The following ADARB2 variants were observed in gnomAD, a reference collection of about 807,000 sequenced individuals.
ADARB2 encodes the protein inactive double-stranded RNA-specific editase B2.
In ADARB2, 25 loss-of-function variants were observed where a neutral mutation model predicts 62.2. The ratio of observed to expected loss-of-function variants is 0.40; its 90% CI spans 0.29 to 0.56. The LOEUF is 0.56. ADARB2 is among the 20% of genes least tolerant of loss of function. The pLI is 0.43. For synonymous variants in ADARB2, 572 were observed against 500.8 expected, an observed-to-expected ratio of 1.14 and a Z score of -1.90; for missense variants, 1,071 against 1,077.4, an observed-to-expected ratio of 0.99 and a Z score of 0.08.
rs554902239 is a variant in ADARB2 at position 1,709,561 on chromosome 10, A to T, written c.100+27490T>A. Among the ~76,000 whole-genome samples the T allele has an allele frequency of 2.1e-4, 32 of 152,238 alleles. 1 individual carries two copies. The South Asian group carries it at 5.2e-3, about 25-fold the overall frequency. On this transcript the variant is annotated intron_variant, in intron 1 of 9. Transcript: ENST00000381312. ...CCTTTTCATATTGTCTTTACTTTGGAGAGACTTTTGATCTGAAGGAAGCTG... is the reference window on the plus strand; with the variant it reads ...CCTTTTCATATTGTCTTTACTTTGGTGAGACTTTTGATCTGAAGGAAGCTG...
chr10:1,675,015 TG>T (rs1390320808), intron 1 of ADARB2: 1 of 905,384 alleles, frequency 1.1e-6, no homozygotes, highest in Non-Finnish European at 1.3e-6. Context: ...GGTTTGGGTT[TG>T]GGGGTACATG....
In ADARB2 at chr10:1,259,252, G is replaced by GAGC. The variant is rs577650838; in HGVS notation, c.1192+11700_1192+11702dup. On this transcript the variant is annotated intron_variant, in intron 4 of 9. Coordinates refer to ENST00000381312, the MANE Select transcript of ADARB2 (RefSeq NM_018702.4). The stretch of plus-strand genomic sequence containing the variant: ...ACAGTGAAAAGAACTAGACAAGCAA[G>GAGC]AGCAAACACATTCAAAAGCTAGCAG... 1.8e-3 allele frequency among the ~76,000 whole-genome samples: 281 copies of GAGC among 152,224 alleles called. 1 individual carries two copies. The highest frequency in any genetic ancestry group is 3.5e-3 in the Non-Finnish European group (235 of 68,024).
chr10:1,414,302 T>C (rs971135444), intron 1 of ADARB2, among the ~76,000 whole-genome samples: 1 of 152,210 alleles, frequency 6.6e-6, no homozygotes, highest in Non-Finnish European at 1.5e-5. Flanking sequence ...TCTTAGAACA[T>C]GTCTGGTGGC....
intron 1 of ADARB2, among the ~76,000 whole-genome samples, chr10:1,696,285 C>A (rs544814853): frequency 6.6e-6 from 1 of 151,754 alleles, no homozygotes; most frequent in Non-Finnish European, 1.5e-5. Flanking sequence ...TGTGTATGCA[C>A]GTGTGTTGTG....
chr10:1,222,185 T>TC (rs1357513798), intron 6 of ADARB2, among the ~76,000 whole-genome samples: 1 of 152,252 alleles, frequency 6.6e-6, no homozygotes, highest in Admixed American at 6.5e-5. Context: ...GAGCATTTTT[T>TC]CATGTGTCTT....
In ADARB2 at chr10:1,363,861, G is replaced by A. The variant is rs765636382; in HGVS notation, c.244C>T (p.Pro82Ser). 1 of 1,509,920 alleles carries A rather than the reference G, an allele frequency of 6.6e-7. No homozygotes were observed. Among genetic ancestry groups the A allele is most frequent in the East Asian group, 2.4e-5 (1 of 40,824 alleles). The allele number at this position is 1,509,920 out of a possible 1,614,324, so 93.5% of individuals were successfully genotyped here. ...CGGGCCCGGTCCCCGGAGGGCGGTG[G>A]CCGCGCGGCCAGGTTGCCCACGTTG... ...NRNVGNLAARPPPSGDRARGG... is the reference protein window; with the variant it reads ...NRNVGNLAARSPPSGDRARGG... Residue 82 changes from proline (P) to serine (S), a missense_variant, in exon 3 of 10, where the codon CCA becomes TCA. Pro to Ser is a moderately conservative substitution (Grantham distance 74, BLOSUM62 -1). Transcript: ENST00000381312.
chr10:1,259,727 A>C (rs1831115559), intron 4 of ADARB2, among the ~76,000 whole-genome samples: 1 of 152,256 alleles, frequency 6.6e-6, no homozygotes, highest in African/African-American at 2.4e-5. Context: ...AGGTACAAGG[A>C]GGAACTGGTA....
At chr10:1,413,343 C>T (rs1011352139) in intron 1 of ADARB2, among the ~76,000 whole-genome samples, 39 of 152,242 alleles carry the variant, frequency 2.6e-4, no homozygotes, top group African/African-American at 8.2e-4. Context: ...TGGTTAGAAA[C>T]GGCGTCGGGT....
chr10:1,331,830 G>A (rs78637121), intron 3 of ADARB2, among the ~76,000 whole-genome samples: 6 of 151,998 alleles, frequency 3.9e-5, no homozygotes, highest in East Asian at 1.9e-4. Context: ...TCTACATATC[G>A]CACACTTTGA....
At chr10:1,228,194 A>G (rs907597091) in intron 6 of ADARB2, among the ~76,000 whole-genome samples, 1 of 152,366 alleles carries the variant, frequency 6.6e-6, no homozygotes, top group Middle Eastern at 3.4e-3. Context: ...AGGTAAATAT[A>G]TGACATCATC....
chr10:1,363,217 T>A lies in ADARB2; in HGVS notation c.888A>T (p.Ala296=). The change falls in exon 3 of 10, where the codon GCA becomes GCT. Residue 296 remains alanine (A), a synonymous_variant. Transcript: ENST00000381312. ...TCCGCGCGCGCCGCTCGGCCGGTTC[T>A]GCCAGACACACGTAGCGCAGCCCGG... ...LRAGLRYVCL[A]EPAERRARSF... 1 of 1,460,226 alleles carries A rather than the reference T, an allele frequency of 6.8e-7. No homozygotes were observed. The highest frequency in any genetic ancestry group is 9.0e-7 in the Non-Finnish European group (1 of 1,107,378). 90.5% of individuals were successfully genotyped at this position (1,460,226 alleles called of 1,614,324 possible).
intron 1 of ADARB2, among the ~76,000 whole-genome samples, chr10:1,719,737 G>T (rs1361117478): frequency 6.6e-6 from 1 of 152,164 alleles, no homozygotes; most frequent in African/African-American, 2.4e-5. Context: ...CAAAGGACAT[G>T]ATCAAACACG....
intron 4 of ADARB2, among the ~76,000 whole-genome samples, chr10:1,267,385 C>A (rs1306654909): frequency 6.6e-6 from 1 of 152,170 alleles, no homozygotes; most frequent in Non-Finnish European, 1.5e-5. Flanking sequence ...TTAGATGATG[C>A]TTCTTGAGGA....
chr10:1,410,881 G>T (rs374548689), intron 1 of ADARB2, among the ~76,000 whole-genome samples: 1 of 152,198 alleles, frequency 6.6e-6, no homozygotes, highest in Non-Finnish European at 1.5e-5. Flanking sequence ...TGTTTCAGCT[G>T]CCCGGATGGA....
chr10:1,346,169 A>G (rs765758614), intron 3 of ADARB2, among the ~76,000 whole-genome samples: 6 of 152,194 alleles, frequency 3.9e-5, no homozygotes, highest in Non-Finnish European at 7.3e-5. Flanking sequence ...ATTTAGAAAA[A>G]TGCATTTTAA....
chr10:1,737,098 A>G lies in ADARB2; in HGVS notation c.53T>C (p.Leu18Pro). ...GRGSGGLSSQLKCKSKRRRRR... is the reference protein window; with the variant it reads ...GRGSGGLSSQPKCKSKRRRRR... ...CCTCCTCCTCTTGGACTTGCATTTG[A>G]GTTGACTGCTCAGCCCTCCAGACCC... Residue 18 changes from leucine to proline, a missense_variant, in exon 1 of 10, where the codon CTC becomes CCC. Leu to Pro is a moderately conservative substitution (Grantham distance 98). Transcript: ENST00000381312. The G allele has an allele frequency of 6.2e-7, 1 of 1,611,558 alleles. No homozygotes were observed. Among genetic ancestry groups the G allele is most frequent in the Non-Finnish European group, 8.5e-7 (1 of 1,179,882 alleles).
At chr10:1,615,912 T>A (rs7912853) in intron 1 of ADARB2, among the ~76,000 whole-genome samples, 109,464 of 152,144 alleles carry the variant, frequency 0.72, 39,595 homozygotes, top group African/African-American at 0.81. Flanking sequence ...TCATTGCATT[T>A]GTCAATGGGA....
intron 3 of ADARB2, among the ~76,000 whole-genome samples, chr10:1,282,775 A>G (rs1044001613): frequency 2.0e-5 from 3 of 152,232 alleles, no homozygotes; most frequent in Non-Finnish European, 2.9e-5. Flanking sequence ...TGGGCCTGCA[A>G]GGGGTTCATT....
At chr10:1,557,071 A>C (rs1832715348) in intron 1 of ADARB2, 1 of 354,588 alleles carries the variant, frequency 2.8e-6, no homozygotes, top group African/African-American at 2.2e-5. Flanking sequence ...CAGTTTAAGC[A>C]TCCCACTGTC....
Sources: gnomAD v4.1 joint callset for allele counts (sites outside exome capture counted in the v4.1 genomes callset) on GRCh38, gnomAD v4.1.1 for gene constraint, MANE v1.5 for transcripts, NCBI Gene and HGNC (gene_info 2026-07-23, HGNC 2026-07-21) for gene names.